FLVCR1: variants seen among roughly 807,000 people sequenced by gnomAD.
FLVCR1 encodes the protein choline/ethanolamine transporter FLVCR1.
A neutral mutation model predicts 53.6 loss-of-function variants in FLVCR1; 34 were observed. That is an observed-to-expected ratio of 0.63 (90% confidence interval 0.48 to 0.84). FLVCR1 has a LOEUF of 0.84. Ranked by LOEUF, FLVCR1 falls within the 40% of genes least tolerant of loss-of-function variation. The pLI is 0.00. For synonymous variants in FLVCR1, 300 were observed against 286.3 expected, an observed-to-expected ratio of 1.05 and a Z score of -0.48; for missense variants, 677 against 696.7, an observed-to-expected ratio of 0.97 and a Z score of 0.32.
At chr1:212,868,041 G>C (rs1486901219) in intron 2 of FLVCR1, among the ~76,000 whole-genome samples, 1 of 152,052 alleles carries the variant, frequency 6.6e-6, no homozygotes, top group Non-Finnish European at 1.5e-5. Flanking sequence ...CTGACCTCAT[G>C]ATTCGCCCAC....
intron 2 of FLVCR1, 90 bp downstream of exon 2, chr1:212,863,959 C>A: frequency 9.5e-7 from 1 of 1,048,948 alleles, no homozygotes; most frequent in Non-Finnish European, 1.5e-6. Context: ...GATAATATCT[C>A]AAGTGTCATG....
At chr1:212,860,133 A>G (rs542527792) in intron 1 of FLVCR1, among the ~76,000 whole-genome samples, 41 of 115,512 alleles carry the variant, frequency 3.5e-4, no homozygotes, top group Middle Eastern at 4.2e-3. Context: ...TTAGTGGGGC[A>G]TGGTGTGGTG....
intron 2 of FLVCR1, among the ~76,000 whole-genome samples, chr1:212,871,201 GA>G (rs1184013202): frequency 6.6e-6 from 1 of 152,134 alleles, no homozygotes; most frequent in Non-Finnish European, 1.5e-5. Flanking sequence ...ATGGTTATGT[GA>G]AAACCTTCTA....
In FLVCR1 at chr1:212,898,957, C is replaced by T. The variant is rs1203803695; in HGVS notation, c.*3667C>T. The T allele has an allele frequency of 6.6e-6, 1 of 152,174 alleles. No individual in the cohort carries two copies. Among genetic ancestry groups the T allele is most frequent in the Non-Finnish European group, 1.5e-5 (1 of 68,024 alleles). 9.4% of individuals were successfully genotyped at this position (152,174 alleles called of 1,614,324 possible). On this transcript the variant is annotated 3_prime_UTR_variant, in exon 10 of 10. Coordinates refer to ENST00000366971, the MANE Select transcript of FLVCR1 (RefSeq NM_014053.4). Reference sequence around the variant, plus strand: ...CAATGTAACAATGGCTGTGGCATCACTAGGTGATAGGAATTTTTCAGTTCC... The same window carrying T: ...CAATGTAACAATGGCTGTGGCATCATTAGGTGATAGGAATTTTTCAGTTCC...
chr1:212,859,043 G>A lies in FLVCR1; in HGVS notation c.591G>A (p.Gln197=), dbSNP rs1366241392. ...GAWIKCGSVQ[Q]HLFWVTMLGQ... ...GGATCAAGTGCGGCAGTGTGCAGCA[G>A]CATCTCTTCTGGGTCACCATGTTGG... The change falls in exon 1 of 10, where the codon CAG becomes CAA. Residue 197 remains glutamine, a synonymous_variant. Coordinates refer to ENST00000366971, the MANE Select transcript of FLVCR1 (RefSeq NM_014053.4). The A allele has an allele frequency of 2.5e-6, 4 of 1,612,584 alleles. No individual in the cohort carries two copies. In the African/African-American group the frequency reaches 5.3e-5, roughly 22 times the overall value.
intron 8 of FLVCR1, among the ~76,000 whole-genome samples, chr1:212,889,990 CAT>C (rs41300999): frequency 0.037 from 5,572 of 152,214 alleles, 356 homozygotes; most frequent in African/African-American, 0.13. Context: ...ACGTGCCTAA[CAT>C]GTGTTACTAT....
chr1:212,884,647 T>C (rs1453051100), intron 4 of FLVCR1, among the ~76,000 whole-genome samples: 2 of 152,214 alleles, frequency 1.3e-5, no homozygotes, highest in African/African-American at 4.8e-5. Context: ...TTTTCAGATA[T>C]CTATACAGTG....
At chr1:212,860,018 C>T (rs1298145350) in intron 1 of FLVCR1, among the ~76,000 whole-genome samples, 3 of 152,006 alleles carry the variant, frequency 2.0e-5, no homozygotes, top group Admixed American at 6.6e-5. Context: ...CGTGGTGGCT[C>T]ACGCCTGTAA....
chr1:212,884,363 A>C (rs1367596338), intron 4 of FLVCR1, among the ~76,000 whole-genome samples: 3 of 152,048 alleles, frequency 2.0e-5, no homozygotes, highest in African/African-American at 4.8e-5. Context: ...GCGCCACTGT[A>C]CTCCAGCCTA....
Position 212,895,247 on chromosome 1 carries a change from CA to C in FLVCR1, c.1630del (p.Thr544ArgfsTer22). 1 of 1,613,008 alleles carries C rather than the reference CA, an allele frequency of 6.2e-7. No individual in the cohort carries two copies. Among genetic ancestry groups the C allele is most frequent in the Non-Finnish European group, 8.5e-7 (1 of 1,179,204 alleles). On this transcript the variant is annotated frameshift_variant, in exon 10 of 10. Transcript: ENST00000366971. LOFTEE classifies it high-confidence loss of function. ...GCTGACAGTCCCACAGACCAAGAAC[CA>C]AAAACGGTTATGTTGTCCAAGCAGT... The part of the protein sequence containing the change: ...IPADSPTDQE[P>X]KTVMLSKQSE...
chr1:212,871,972 G>C (rs1470558876), intron 2 of FLVCR1, among the ~76,000 whole-genome samples: 1 of 152,134 alleles, frequency 6.6e-6, no homozygotes, highest in Non-Finnish European at 1.5e-5. Context: ...AATCTACCTG[G>C]AGTTTTTCAA....
At chr1:212,886,383 A>C (rs1284100267) in intron 5 of FLVCR1, among the ~76,000 whole-genome samples, 1 of 152,160 alleles carries the variant, frequency 6.6e-6, no homozygotes, top group Non-Finnish European at 1.5e-5. Context: ...AAATACAAAA[A>C]CAAAAAAGTA....
At chr1:212,878,400 G>A (rs1219166118) in intron 3 of FLVCR1, among the ~76,000 whole-genome samples, 1 of 151,872 alleles carries the variant, frequency 6.6e-6, no homozygotes, top group Non-Finnish European at 1.5e-5. Context: ...TACTCGGGAG[G>A]CTGAGGCAGG....
At chr1:212,865,726 C>T (rs1664394698) in intron 2 of FLVCR1, among the ~76,000 whole-genome samples, 1 of 151,998 alleles carries the variant, frequency 6.6e-6, no homozygotes, top group Non-Finnish European at 1.5e-5. Flanking sequence ...AAATGATCCA[C>T]CTGCCTCAAC....
chr1:212,869,360 A>G (rs1413872140), intron 2 of FLVCR1, among the ~76,000 whole-genome samples: 1 of 152,242 alleles, frequency 6.6e-6, no homozygotes, highest in Middle Eastern at 3.2e-3. Context: ...AAACAAGGCC[A>G]TAGATCCATG....
chr1:212,889,770 A>AAAAG (rs1665143999), intron 8 of FLVCR1, among the ~76,000 whole-genome samples: 3 of 151,668 alleles, frequency 2.0e-5, no homozygotes, highest in African/African-American at 7.3e-5. Context: ...AAAAAAAAAA[A>AAAAG]AAAGAGTAGT....
intron 3 of FLVCR1, among the ~76,000 whole-genome samples, chr1:212,879,279 G>A (rs943678481): frequency 1.3e-5 from 2 of 152,140 alleles, no homozygotes; most frequent in Non-Finnish European, 1.5e-5. Context: ...GATAAAGTTC[G>A]AGTAGTTTCT....
chr1:212,879,342 C>T (rs940015897), intron 3 of FLVCR1, among the ~76,000 whole-genome samples: 6 of 152,106 alleles, frequency 3.9e-5, no homozygotes, highest in Non-Finnish European at 7.4e-5. Flanking sequence ...ATAATGTTTG[C>T]GTGAGGGTCA....
At chr1:212,891,124 A>G (rs562278270) in intron 8 of FLVCR1, among the ~76,000 whole-genome samples, 31 of 152,266 alleles carry the variant, frequency 2.0e-4, no homozygotes, top group African/African-American at 6.5e-4. Context: ...GATTATTACT[A>G]TTGGCTGGAC....
Sources: allele counts gnomAD v4.1 joint callset (sites outside exome capture counted in the v4.1 genomes callset), GRCh38; gene constraint gnomAD v4.1.1; transcripts MANE v1.5; gene names NCBI Gene and HGNC (gene_info 2026-07-23, HGNC 2026-07-21).